The following CRIM1 variants were observed in gnomAD, a reference collection of about 807,000 sequenced individuals.
The protein encoded by CRIM1 is cysteine-rich motor neuron 1 protein.
Under a neutral mutation model 116.4 loss-of-function variants are expected in CRIM1, and 32 were observed. That is an observed-to-expected ratio of 0.27 (90% CI 0.21 to 0.37). The LOEUF (loss-of-function observed/expected upper bound fraction) is 0.37, where lower values mean the gene tolerates loss of function less well. Ranked by LOEUF, CRIM1 falls within the 10% of genes least tolerant of loss-of-function variation. CRIM1 has a pLI of 1.00. For missense variants in CRIM1, 1,331 were observed against 1,354.8 expected (o/e 0.98, Z 0.28); for synonymous variants, 590 against 509.2 (o/e 1.16, Z -2.13).
At chr2:36,476,850 T>G in intron 5 of CRIM1, 39 bp from the exon 6 acceptor site, 1 of 1,534,262 alleles carries the variant, frequency 6.5e-7, no homozygotes, top group Non-Finnish European at 8.8e-7. Flanking sequence ...AACTAAAAAA[T>G]GACTACAAAT....
intron 2 of CRIM1, among the ~76,000 whole-genome samples, chr2:36,437,524 C>A (rs529808763): frequency 6.6e-6 from 1 of 151,826 alleles, no homozygotes; most frequent in Non-Finnish European, 1.5e-5. Flanking sequence ...TCTTTAAAAA[C>A]AGTTTATTCT....
At chr2:36,388,409 A>G (rs1189909568) in intron 1 of CRIM1, among the ~76,000 whole-genome samples, 2 of 152,244 alleles carry the variant, frequency 1.3e-5, no homozygotes, top group African/African-American at 2.4e-5. Context: ...TGCCATAGGC[A>G]TATGATTCTC....
intron 1 of CRIM1, among the ~76,000 whole-genome samples, chr2:36,380,664 G>A (rs1670676063): frequency 6.6e-6 from 1 of 152,184 alleles, no homozygotes; most frequent in Non-Finnish European, 1.5e-5. Context: ...GGAAGATTTT[G>A]CTTTGGGAGG....
At position 36,546,216 on chromosome 2, in the gene CRIM1, CAG is replaced by C. The variant is rs557557331; in HGVS notation, c.2747-766_2747-765del. Among the ~76,000 whole-genome samples, 7 of 152,208 alleles carry C rather than the reference CAG, an allele frequency of 4.6e-5. No individual in the cohort carries two copies. In the East Asian group the frequency reaches 1.3e-3, roughly 29 times the overall value. On this transcript the variant is annotated intron_variant, in intron 15 of 16. Transcript: ENST00000280527. Reference sequence around the variant, plus strand: ...CTACAATGATTTATTTGAAACAAAACAGAATATAAAAATAAGGAAACTTTAGG... The same window carrying C: ...CTACAATGATTTATTTGAAACAAAACAATATAAAAATAAGGAAACTTTAGG...
At chr2:36,388,880 A>C (rs1389247522) in intron 1 of CRIM1, among the ~76,000 whole-genome samples, 1 of 152,202 alleles carries the variant, frequency 6.6e-6, no homozygotes, top group Non-Finnish European at 1.5e-5. Flanking sequence ...TTTTGCTGTA[A>C]GTTGATTTAT....
Position 36,392,768 on chromosome 2 carries a change from A to G in CRIM1, c.332-3846A>G, listed in dbSNP as rs141173597. Among the ~76,000 whole-genome samples the G allele has an allele frequency of 6.2e-3, 938 of 152,322 alleles. 10 individuals carry two copies. The highest frequency in any genetic ancestry group is 0.021 in the African/African-American group (891 of 41,578). Reference sequence around the variant, plus strand: ...TGAAGCGGTGGTTGCTAGGGAAACCATTTCCCAAGAAGAAAAACAAAGTAT... The same window carrying G: ...TGAAGCGGTGGTTGCTAGGGAAACCGTTTCCCAAGAAGAAAAACAAAGTAT... On this transcript the variant is annotated intron_variant, in intron 1 of 16. Coordinates refer to ENST00000280527, the MANE Select transcript of CRIM1 (RefSeq NM_016441.3).
At chr2:36,395,181 A>G (rs1219863241) in intron 1 of CRIM1, among the ~76,000 whole-genome samples, 1 of 151,858 alleles carries the variant, frequency 6.6e-6, no homozygotes, top group East Asian at 1.9e-4. Context: ...TGTCCAGCTA[A>G]TTTTTGTATT....
intron 2 of CRIM1, among the ~76,000 whole-genome samples, chr2:36,406,250 C>G (rs916173759): frequency 6.6e-6 from 1 of 152,142 alleles, no homozygotes; most frequent in South Asian, 2.1e-4. Context: ...ATTATCACCA[C>G]TGTAATTGTT....
chr2:36,471,239 C>G (rs1232976521), intron 5 of CRIM1, among the ~76,000 whole-genome samples: 1 of 152,178 alleles, frequency 6.6e-6, no homozygotes, highest in Non-Finnish European at 1.5e-5. Flanking sequence ...TAGACTATTA[C>G]ATAAATTTAG....
At chr2:36,501,602 G>A (rs897696651) in intron 8 of CRIM1, among the ~76,000 whole-genome samples, 1 of 152,126 alleles carries the variant, frequency 6.6e-6, no homozygotes, top group Non-Finnish European at 1.5e-5. Context: ...AGGGCCTGTA[G>A]TTCCAGCTAC....
rs1180744073 is a variant in CRIM1, at chr2:36,537,270, C to A, written c.2429-82C>A. 17 of 1,281,624 alleles carry A rather than the reference C, an allele frequency of 1.3e-5. No homozygotes were observed. In the Admixed American group the frequency reaches 1.7e-4, roughly 13 times the overall value. The allele number at this position is 1,281,624 out of a possible 1,614,324, so 79.4% of individuals were successfully genotyped here. On this transcript the variant is annotated intron_variant, in intron 13 of 16. Coordinates refer to ENST00000280527, the MANE Select transcript of CRIM1 (RefSeq NM_016441.3). ...TAAAGCATACTGTGATTATACAAAG[C>A]TATCCCTTGATCTCTCACGTCTAAT...
At chr2:36,367,434 C>G (rs1468694331) in intron 1 of CRIM1, among the ~76,000 whole-genome samples, 1 of 152,188 alleles carries the variant, frequency 6.6e-6, no homozygotes, top group Non-Finnish European at 1.5e-5. Flanking sequence ...CCCCCTTCAT[C>G]TCTTAATAGC....
chr2:36,456,479 A>C (rs1360338557), intron 4 of CRIM1, among the ~76,000 whole-genome samples: 1 of 152,182 alleles, frequency 6.6e-6, no homozygotes, highest in Non-Finnish European at 1.5e-5. Flanking sequence ...GTGATGTGCC[A>C]GTTTCCCTTC....
At chr2:36,363,199 CAAAAA>C (rs200110269) in intron 1 of CRIM1, among the ~76,000 whole-genome samples, 7 of 70,230 alleles carry the variant, frequency 1.0e-4, no homozygotes, top group African/African-American at 2.1e-4. Flanking sequence ...GACCCTGTCT[CAAAAA>C]AAAAAAAAAA....
chr2:36,363,382 C>T (rs574916608), intron 1 of CRIM1, among the ~76,000 whole-genome samples: 83 of 152,062 alleles, frequency 5.5e-4, no homozygotes, highest in Non-Finnish European at 1.1e-3. Flanking sequence ...AACAAGGCTA[C>T]TAACCAGTAT....
At chr2:36,368,420 C>T (rs1558504829) in intron 1 of CRIM1, among the ~76,000 whole-genome samples, 1 of 152,240 alleles carries the variant, frequency 6.6e-6, no homozygotes, top group Non-Finnish European at 1.5e-5. Context: ...AAACTTCACC[C>T]TTCCTTTGCA....
chr2:36,364,739 G>T (rs1278158631), intron 1 of CRIM1, among the ~76,000 whole-genome samples: 1 of 152,074 alleles, frequency 6.6e-6, no homozygotes, highest in Non-Finnish European at 1.5e-5. Context: ...TCCCTCATCT[G>T]TGAAACTGGA....
At chr2:36,441,895 C>T (rs569133776) in intron 3 of CRIM1, among the ~76,000 whole-genome samples, 7 of 152,276 alleles carry the variant, frequency 4.6e-5, no homozygotes, top group South Asian at 2.1e-4. Flanking sequence ...AATCATCATA[C>T]GTAAAACAGA....
At chr2:36,443,430 G>A (rs1676009926) in intron 4 of CRIM1, among the ~76,000 whole-genome samples, 1 of 152,160 alleles carries the variant, frequency 6.6e-6, no homozygotes, top group Non-Finnish European at 1.5e-5. Context: ...TCTTGGAAAT[G>A]TAGGGTTTAC....
Sources: gnomAD v4.1 joint callset for allele counts (sites outside exome capture counted in the v4.1 genomes callset) on GRCh38, gnomAD v4.1.1 for gene constraint, MANE v1.5 for transcripts, NCBI Gene and HGNC (gene_info 2026-07-23, HGNC 2026-07-21) for gene names.